Variants in RUSC2 observed in about 807,000 individuals in gnomAD.
The protein encoded by RUSC2 is RUN and SH3 domain containing 2.
In RUSC2, 34 loss-of-function variants were observed where a neutral mutation model predicts 122.2. The ratio of observed to expected loss-of-function variants is 0.28; its 90% confidence interval spans 0.21 to 0.37. The LOEUF (loss-of-function observed/expected upper bound fraction) is 0.37. RUSC2 is among the 10% of genes least tolerant of loss of function. The probability of loss-of-function intolerance (pLI) is 1.00; values close to 1 mark genes in which losing one functional copy is unlikely to be tolerated. For synonymous variants in RUSC2, 784 were observed against 790.0 expected (o/e 0.99, Z 0.13); for missense variants, 1,747 against 1,952.4 (o/e 0.89, Z 1.98).
At chr9:35,554,933 C>T (rs1215384838) in intron 2 of RUSC2, 127 bp from the exon 3 acceptor site, 1 of 1,053,678 alleles carries the variant, frequency 9.5e-7, no homozygotes, top group Non-Finnish European at 1.4e-6. Flanking sequence ...CCACGAACTT[C>T]TACCCCATTC....
chr9:35,558,015 G>T lies in RUSC2; in HGVS notation c.3060+25G>T, dbSNP rs202127531. 4.2e-5 allele frequency: 67 copies of T among 1,601,698 alleles called. 1 individual carries two copies. The African/African-American group carries it at 8.6e-4, about 20-fold the overall frequency. On this transcript the variant is annotated intron_variant, in intron 6 of 11. Transcript: ENST00000361226. This position sits in a 1 kb window ranked among gnomAD's most constrained non-coding sequence, Gnocchi z 4.3. Reference sequence around the variant, plus strand: ...GGTAGGCAAGGAAATGTGGAGAGCTGAGCTCTGCCTGCAAGCCCTCACCTG... The same window carrying T: ...GGTAGGCAAGGAAATGTGGAGAGCTTAGCTCTGCCTGCAAGCCCTCACCTG...
intron 1 of RUSC2, among the ~76,000 whole-genome samples, chr9:35,512,080 A>T (rs868038808): frequency 6.6e-6 from 1 of 151,956 alleles, no homozygotes; most frequent in Non-Finnish European, 1.5e-5. Flanking sequence ...ACTCGGGAGG[A>T]TGAGGCAGGA....
chr9:35,500,972 A>G (rs1188533623), intron 1 of RUSC2, among the ~76,000 whole-genome samples: 1 of 152,226 alleles, frequency 6.6e-6, no homozygotes, highest in Non-Finnish European at 1.5e-5. Flanking sequence ...TCTAACAACC[A>G]AGTGGTGGTG....
intron 1 of RUSC2, among the ~76,000 whole-genome samples, chr9:35,491,053 A>G (rs1462621033): frequency 6.6e-6 from 1 of 151,864 alleles, no homozygotes; most frequent in Non-Finnish European, 1.5e-5. Flanking sequence ...TCAGGCAAGG[A>G]TTACCACTAT....
At chr9:35,551,057 A>G (rs1821882929) in intron 2 of RUSC2, among the ~76,000 whole-genome samples, 1 of 152,146 alleles carries the variant, frequency 6.6e-6, no homozygotes, top group African/African-American at 2.4e-5. Context: ...TGACAAAGTG[A>G]GAGTCCGTCT....
chr9:35,506,733 A>G (rs1820923651), intron 1 of RUSC2, among the ~76,000 whole-genome samples: 1 of 152,234 alleles, frequency 6.6e-6, no homozygotes, highest in Non-Finnish European at 1.5e-5. Flanking sequence ...CTGGTTGACT[A>G]GATAAAGCTC....
intron 1 of RUSC2, among the ~76,000 whole-genome samples, chr9:35,501,862 T>C (rs1260806470): frequency 6.6e-6 from 1 of 152,208 alleles, no homozygotes; most frequent in Non-Finnish European, 1.5e-5. Context: ...GGACCTATGC[T>C]AGTTTTTTTA....
intron 1 of RUSC2, among the ~76,000 whole-genome samples, chr9:35,545,062 T>G (rs1184045118): frequency 6.6e-6 from 1 of 152,238 alleles, no homozygotes; most frequent in Non-Finnish European, 1.5e-5. Flanking sequence ...TTTTAATACC[T>G]TGTCCCTTAT....
intron 1 of RUSC2, among the ~76,000 whole-genome samples, chr9:35,542,616 T>C (rs1209189878): frequency 6.6e-6 from 1 of 152,206 alleles, no homozygotes; most frequent in Non-Finnish European, 1.5e-5. Flanking sequence ...GTTATTTTAA[T>C]GGGAAAAGTA....
chr9:35,546,424 C>T lies in RUSC2; in HGVS notation c.-92-6C>T. 2.1e-6 allele frequency: 2 copies of T among 932,880 alleles called. No individual in the cohort carries two copies. The highest frequency in any genetic ancestry group is 2.9e-6 in the Non-Finnish European group (2 of 687,036). The allele number at this position is 932,880 out of a possible 1,614,324, so 57.8% of individuals were successfully genotyped here. On this transcript the variant is annotated splice_region_variant and splice_polypyrimidine_tract_variant and intron_variant, in intron 1 of 11. Coordinates refer to ENST00000361226, the MANE Select transcript of RUSC2 (RefSeq NM_014806.5). The surrounding 1 kb of genome is among the most constrained non-coding windows in gnomAD (Gnocchi z 4.3). ...TTAGGTTCCCTTTCTTTCCCTCTCT[C>T]TCCAGGTGCCAAGCTCTCCTGATGA...
At chr9:35,490,373 C>A (rs1820541320) in intron 1 of RUSC2, among the ~76,000 whole-genome samples, 1 of 152,028 alleles carries the variant, frequency 6.6e-6, no homozygotes, top group Admixed American at 6.5e-5. Context: ...GCCCTTCTGA[C>A]CCTTGGCCTT....
Position 35,558,340 on chromosome 9 carries a change from A to T in RUSC2, c.3204A>T (p.Pro1068=). ...DVIIGQRKNM[P]WSVVEASTQL... ...TCATCGGGCAGCGTAAGAACATGCC[A>T]TGGAGTGTGGTTGAGGCTTCCACAC... Residue 1068 remains proline, a synonymous_variant, in exon 7 of 12, where the codon CCA becomes CCT. Transcript: ENST00000361226. This position sits in a 1 kb window ranked among gnomAD's most constrained non-coding sequence, Gnocchi z 4.3. The T allele has an allele frequency of 6.2e-6, 10 of 1,614,122 alleles. No individual in the cohort carries two copies. The highest frequency in any genetic ancestry group is 8.5e-6 in the Non-Finnish European group (10 of 1,180,008).
In RUSC2 at chr9:35,547,803, A is replaced by G. The variant is rs767585807; in HGVS notation, c.1282A>G (p.Ser428Gly). The G allele has an allele frequency of 1.2e-6, 2 of 1,614,122 alleles. No homozygotes were observed. Among genetic ancestry groups the G allele is most frequent in the South Asian group, 1.1e-5 (1 of 91,082 alleles). Residue 428 changes from serine (S) to glycine (G), a missense_variant, in exon 2 of 12, where the codon AGT becomes GGT. By Grantham distance (56) the Ser-to-Gly change is moderately conservative. Coordinates refer to ENST00000361226, the MANE Select transcript of RUSC2 (RefSeq NM_014806.5). The surrounding 1 kb of genome is among the most constrained non-coding windows in gnomAD (Gnocchi z 4.6). ...CTGCTCTGAGGAACACACCAAGATA[A>G]GTCCCCCACCAGGCCCTGGCCCAGA... is the stretch of plus-strand genomic sequence containing the variant. ...TSCSEEHTKI[S>G]PPPGPGPDPG...
chr9:35,530,814 A>G (rs1045518302), intron 1 of RUSC2, among the ~76,000 whole-genome samples: 3 of 151,566 alleles, frequency 2.0e-5, no homozygotes, highest in African/African-American at 7.3e-5. Flanking sequence ...TAATTTTTGT[A>G]TTTTTGTAGA....
chr9:35,531,855 C>T lies in RUSC2; in HGVS notation c.-92-14575C>T, dbSNP rs369786788. Among the ~76,000 whole-genome samples, 20 of 152,226 alleles carry T rather than the reference C, an allele frequency of 1.3e-4. No individual in the cohort carries two copies. In the East Asian group the frequency reaches 2.9e-3, roughly 22 times the overall value. Reference sequence around the variant, plus strand: ...CCTGGCTAACACAGTGAAACCCCTCCTCTACTAAAAATACAAAAAAATTAG... The same window carrying T: ...CCTGGCTAACACAGTGAAACCCCTCTTCTACTAAAAATACAAAAAAATTAG... On this transcript the variant is annotated intron_variant, in intron 1 of 11. Transcript: ENST00000361226.
chr9:35,516,515 T>A (rs1821111154), intron 1 of RUSC2, among the ~76,000 whole-genome samples: 1 of 152,228 alleles, frequency 6.6e-6, no homozygotes, highest in South Asian at 2.1e-4. Context: ...GGTTTATGGT[T>A]CATTCTACAC....
Position 35,547,499 on chromosome 9 carries a change from C to T in RUSC2, c.978C>T (p.Pro326=). 6.2e-7 allele frequency: 1 copy of T among 1,614,186 alleles called. No homozygotes were observed. The highest frequency in any genetic ancestry group is 1.3e-5 in the African/African-American group (1 of 75,044). The change falls in exon 2 of 12, where the codon CCC becomes CCT. Residue 326 remains proline (P), a synonymous_variant. Coordinates refer to ENST00000361226, the MANE Select transcript of RUSC2 (RefSeq NM_014806.5). The surrounding 1 kb of genome is among the most constrained non-coding windows in gnomAD (Gnocchi z 4.6). ...DPGAFYLDLQ[P]SPFESKMSYE... ...GCGCCTTCTATCTGGATCTGCAGCC[C>T]TCCCCATTTGAGTCTAAGATGTCTT...
chr9:35,547,619 C>T lies in RUSC2; in HGVS notation c.1098C>T (p.Tyr366=). 1.2e-6 allele frequency: 2 copies of T among 1,614,206 alleles called. No individual in the cohort carries two copies. Among genetic ancestry groups the T allele is most frequent in the Admixed American group, 1.7e-5 (1 of 60,022 alleles). Residue 366 remains tyrosine, a synonymous_variant, in exon 2 of 12, where the codon TAC becomes TAT. Coordinates refer to ENST00000361226, the MANE Select transcript of RUSC2 (RefSeq NM_014806.5). This position sits in a 1 kb window ranked among gnomAD's most constrained non-coding sequence, Gnocchi z 4.6. ...SPELDANCNS[Y]RPHCEPCPAV... is the part of the protein sequence containing the mutation. The stretch of plus-strand genomic sequence containing the variant: ...AGCTTGATGCCAACTGCAACTCCTA[C>T]CGCCCACACTGTGAGCCGTGCCCAG...
At chr9:35,496,090 C>T (rs1187501969) in intron 1 of RUSC2, among the ~76,000 whole-genome samples, 4 of 152,050 alleles carry the variant, frequency 2.6e-5, no homozygotes, top group African/African-American at 9.7e-5. Flanking sequence ...GAGAAACTCT[C>T]GAGTCAGTGG....
Sources: allele counts gnomAD v4.1 joint callset (sites outside exome capture counted in the v4.1 genomes callset), GRCh38; gene constraint gnomAD v4.1.1; non-coding constraint Gnocchi (gnomAD v3.1); transcripts MANE v1.5; gene names NCBI Gene and HGNC (gene_info 2026-07-23, HGNC 2026-07-21).